Variants in PDGFRA observed in about 807,000 individuals in gnomAD.
The protein encoded by PDGFRA is platelet-derived growth factor receptor alpha.
Under a neutral mutation model 121.5 loss-of-function variants are expected in PDGFRA, and 25 were observed. The observed-to-expected ratio is 0.21, with a 90% CI of 0.15 to 0.29. The LOEUF (loss-of-function observed/expected upper bound fraction) is 0.29. PDGFRA is among the 10% of genes least tolerant of loss of function. The pLI, the probability that PDGFRA is intolerant of heterozygous loss-of-function variation, is 1.00. For missense variants in PDGFRA, 1,008 were observed against 1,345.1 expected, an observed-to-expected ratio of 0.75 and a Z score of 3.92; for synonymous variants, 463 against 494.8, an observed-to-expected ratio of 0.94 and a Z score of 0.85.
rs755765009 is a variant in PDGFRA, at chr4:54,267,712, C to G, written c.1092C>G (p.Thr364=). 37 of 1,613,908 alleles carry G rather than the reference C, an allele frequency of 2.3e-5. No homozygotes were observed. Among genetic ancestry groups the G allele is most frequent in the Non-Finnish European group, 2.7e-5 (32 of 1,179,962 alleles). The change falls in exon 7 of 23, where the codon ACC becomes ACG. Residue 364 remains threonine (T), a synonymous_variant. Transcript: ENST00000257290. ...TGATTGAAAATCTCACTGAGATCAC[C>G]ACTGATGTGGAAAAGATTCAGGAAA... ...LTLIENLTEI[T]TDVEKIQEIR...
chr4:54,281,583 TG>T (rs759616737), intron 16 of PDGFRA: 1 of 1,349,494 alleles, frequency 7.4e-7, no homozygotes, highest in South Asian at 1.2e-5. Context: ...CTTCCCAGGC[TG>T]GGCTGGTGGA....
At chr4:54,267,189 C>A in intron 5 of PDGFRA, 100 bp from the exon 6 acceptor site, 1 of 1,134,340 alleles carries the variant, frequency 8.8e-7, no homozygotes, top group Non-Finnish European at 1.3e-6. Context: ...GCTGAACCTC[C>A]ATTGACACAT....
intron 16 of PDGFRA, chr4:54,281,507 C>A (rs1405922583): frequency 3.9e-6 from 4 of 1,034,162 alleles, no homozygotes; most frequent in Non-Finnish European, 5.3e-6. Context: ...AAAAGATTAG[C>A]CAGTGAGAGT....
At chr4:54,269,744 G>A (rs1050047291) in intron 7 of PDGFRA, among the ~76,000 whole-genome samples, 1 of 150,572 alleles carries the variant, frequency 6.6e-6, no homozygotes, top group African/African-American at 2.4e-5. Context: ...CTGGGTTCAA[G>A]CGATTCTTCA....
At chr4:54,250,256 A>C (rs1238034082) in intron 1 of PDGFRA, among the ~76,000 whole-genome samples, 4 of 152,212 alleles carry the variant, frequency 2.6e-5, no homozygotes, top group Admixed American at 1.3e-4. Flanking sequence ...TAAATGCTTT[A>C]TGGTGACCTG....
At chr4:54,276,312 C>T (rs1046035844) in intron 12 of PDGFRA, among the ~76,000 whole-genome samples, 7 of 146,464 alleles carry the variant, frequency 4.8e-5, no homozygotes, top group African/African-American at 1.9e-4. Context: ...GAAATTCCCC[C>T]AGTTTCAGAG....
chr4:54,253,395 G>A (rs1722173294), intron 1 of PDGFRA, among the ~76,000 whole-genome samples: 1 of 152,166 alleles, frequency 6.6e-6, no homozygotes, highest in Non-Finnish European at 1.5e-5. Flanking sequence ...GTCAGATATG[G>A]GATCAGTGGC....
At chr4:54,282,326 G>C (rs1469763864) in intron 16 of PDGFRA, among the ~76,000 whole-genome samples, 1 of 152,112 alleles carries the variant, frequency 6.6e-6, no homozygotes, top group African/African-American at 2.4e-5. Context: ...AGTTTTTGGA[G>C]AGGCCTCATG....
intron 1 of PDGFRA, among the ~76,000 whole-genome samples, chr4:54,257,755 A>G (rs1022995140): frequency 1.3e-5 from 2 of 152,198 alleles, no homozygotes; most frequent in African/African-American, 4.8e-5. Flanking sequence ...AATGGGGAAG[A>G]GATAAAGAAG....
chr4:54,247,793 C>T (rs1021617676), intron 1 of PDGFRA, among the ~76,000 whole-genome samples: 26 of 152,122 alleles, frequency 1.7e-4, no homozygotes, highest in African/African-American at 5.8e-4. Context: ...TCCCTGTTTG[C>T]GGATGACATG....
Position 54,293,998 on chromosome 4 carries a change from G to A in PDGFRA, c.3123-1127G>A, listed in dbSNP as rs907608392. ...TTGGAGGCTTATGACTGTGACCTTT[G>A]TTAACCAATTTAGGTATAATATGTA... On this transcript the variant is annotated intron_variant, in intron 22 of 22. Coordinates refer to ENST00000257290, the MANE Select transcript of PDGFRA (RefSeq NM_006206.6). Among the ~76,000 whole-genome samples the A allele has an allele frequency of 4.6e-5, 7 of 150,734 alleles. No homozygotes were observed. The East Asian group carries it at 1.2e-3, about 26-fold the overall frequency.
chr4:54,292,281 A>G (rs185252788), intron 22 of PDGFRA, among the ~76,000 whole-genome samples: 2 of 152,352 alleles, frequency 1.3e-5, no homozygotes, highest in East Asian at 3.9e-4. Context: ...ATGCCCATCA[A>G]TGATAGACTG....
rs74574825 is a variant in PDGFRA, at chr4:54,257,764, A to G, written c.-12-993A>G. ...AAAGTGAATGGGGAAGAGATAAAGA[A>G]GAGAGGTCTTTTCACAGTTTGCCAG... On this transcript the variant is annotated intron_variant, in intron 1 of 22. Coordinates refer to ENST00000257290, the MANE Select transcript of PDGFRA (RefSeq NM_006206.6). 8.7e-3 allele frequency among the ~76,000 whole-genome samples: 1,331 copies of G among 152,270 alleles called. 13 individuals are homozygous for G. The highest frequency in any genetic ancestry group is 0.029 in the African/African-American group (1,200 of 41,564).
chr4:54,263,535 T>A (rs1722864313), intron 3 of PDGFRA, 132 bp from the exon 4 acceptor site: 1 of 876,006 alleles, frequency 1.1e-6, no homozygotes, highest in Non-Finnish European at 1.9e-6. Context: ...AGTGGGGCAA[T>A]TCTTCTGGAT....
At chr4:54,256,090 C>T (rs2110228361) in intron 1 of PDGFRA, among the ~76,000 whole-genome samples, 1 of 152,150 alleles carries the variant, frequency 6.6e-6, no homozygotes, top group South Asian at 2.1e-4. Context: ...TCATAAAGAC[C>T]ACAGGATGCA....
chr4:54,284,133 T>C (rs1724197644), intron 16 of PDGFRA, among the ~76,000 whole-genome samples: 1 of 152,202 alleles, frequency 6.6e-6, no homozygotes, highest in Admixed American at 6.5e-5. Context: ...TGACCTTTAC[T>C]CCAGTTCCCA....
intron 1 of PDGFRA, among the ~76,000 whole-genome samples, chr4:54,244,249 G>A (rs185064333): frequency 2.0e-5 from 3 of 152,176 alleles, no homozygotes; most frequent in Admixed American, 6.5e-5. Context: ...ATCTGAGAAC[G>A]GGCAGACTGC....
chr4:54,291,256 A>G (rs984328094), intron 22 of PDGFRA, among the ~76,000 whole-genome samples: 2 of 152,178 alleles, frequency 1.3e-5, no homozygotes, highest in Non-Finnish European at 2.9e-5. Flanking sequence ...AGCAAATCCT[A>G]GACACCTTAT....
Position 54,258,739 on chromosome 4 carries a change from G to C in PDGFRA, c.-12-18G>C, listed in dbSNP as rs771973874. Reference sequence around the variant, plus strand: ...TCTATTTGCTAATGCTGTTTCTGTTGACTTTTGACTTTTCTAGTTTCCCAG... The same window carrying C: ...TCTATTTGCTAATGCTGTTTCTGTTCACTTTTGACTTTTCTAGTTTCCCAG... On this transcript the variant is annotated intron_variant, in intron 1 of 22. Coordinates refer to ENST00000257290, the MANE Select transcript of PDGFRA (RefSeq NM_006206.6). 1.3e-6 allele frequency: 2 copies of C among 1,551,846 alleles called. No homozygotes were observed. Among genetic ancestry groups the C allele is most frequent in the Admixed American group, 3.3e-5 (2 of 59,916 alleles).
Sources: gnomAD v4.1 joint callset for allele counts (sites outside exome capture counted in the v4.1 genomes callset) on GRCh38, gnomAD v4.1.1 for gene constraint, MANE v1.5 for transcripts, NCBI Gene and HGNC (gene_info 2026-07-23, HGNC 2026-07-21) for gene names.